FGGY: variants seen among roughly 807,000 people sequenced by gnomAD.
The protein encoded by FGGY is FGGY carbohydrate kinase domain-containing protein.
FGGY carries 72 observed loss-of-function variants against 71.3 expected under a neutral mutation model. The ratio of observed to expected loss-of-function variants is 1.01; its 90% confidence interval spans 0.84 to 1.23. FGGY has a LOEUF of 1.23. Ranked by LOEUF, FGGY falls within the 50% of genes most tolerant of loss-of-function variation. The pLI is 0.00. For synonymous variants in FGGY, 251 were observed against 250.3 expected (o/e 1.00, Z -0.02); for missense variants, 668 against 682.3 (o/e 0.98, Z 0.23).
chr1:59,449,508 C>T (rs1308852279), intron 5 of FGGY, among the ~76,000 whole-genome samples: 2 of 152,184 alleles, frequency 1.3e-5, no homozygotes, highest in Non-Finnish European at 2.9e-5. Context: ...TGGTCTCGAA[C>T]TCCTGACCTT....
intron 1 of FGGY, among the ~76,000 whole-genome samples, chr1:59,299,299 A>G (rs148540336): frequency 1.3e-5 from 2 of 152,326 alleles, no homozygotes; most frequent in East Asian, 3.9e-4. Context: ...ATCACCTGAC[A>G]GGAGGCTGGG....
At chr1:59,515,470 A>G (rs1280424570) in intron 7 of FGGY, among the ~76,000 whole-genome samples, 1 of 152,172 alleles carries the variant, frequency 6.6e-6, no homozygotes, top group Non-Finnish European at 1.5e-5. Context: ...TTGGGAGGGC[A>G]TGATTGGTTT....
chr1:59,603,464 T>C (rs1194149522), intron 8 of FGGY, among the ~76,000 whole-genome samples: 1 of 152,218 alleles, frequency 6.6e-6, no homozygotes, highest in Non-Finnish European at 1.5e-5. Flanking sequence ...ACAAGCCTCA[T>C]TTCAAGGAGA....
intron 14 of FGGY, among the ~76,000 whole-genome samples, chr1:59,752,974 A>C (rs1366010372): frequency 6.6e-6 from 1 of 152,198 alleles, no homozygotes; most frequent in African/African-American, 2.4e-5. Flanking sequence ...AGTGATTAAA[A>C]TGCTATTTTA....
intron 5 of FGGY, among the ~76,000 whole-genome samples, chr1:59,444,950 T>C (rs549807951): frequency 6.6e-6 from 1 of 152,292 alleles, no homozygotes; most frequent in East Asian, 1.9e-4. Context: ...TCTTTTTACA[T>C]GTCCTTTGAT....
intron 13 of FGGY, among the ~76,000 whole-genome samples, chr1:59,670,797 C>T (rs184743356): frequency 2.0e-5 from 3 of 152,236 alleles, no homozygotes; most frequent in Admixed American, 6.5e-5. Context: ...GCAGGGAGAG[C>T]GGGGCCTTGC....
chr1:59,761,257 T>C (rs1416947233), intron 15 of FGGY, among the ~76,000 whole-genome samples: 1 of 152,212 alleles, frequency 6.6e-6, no homozygotes, highest in Non-Finnish European at 1.5e-5. Context: ...GTTCGCCTTT[T>C]AACCCTGTGC....
At chr1:59,707,164 AGT>A (rs1475482313) in intron 14 of FGGY, among the ~76,000 whole-genome samples, 1 of 152,200 alleles carries the variant, frequency 6.6e-6, no homozygotes, top group African/African-American at 2.4e-5. Context: ...TATCTGCAGC[AGT>A]GTGTCTCATT....
At chr1:59,441,897 G>C (rs77046398) in intron 5 of FGGY, among the ~76,000 whole-genome samples, 1,778 of 152,168 alleles carry the variant, frequency 0.012, 32 homozygotes, top group African/African-American at 0.04. Context: ...TGAATGCCTT[G>C]GTCCACTGCC....
At chr1:59,725,111 A>G (rs977702010) in intron 14 of FGGY, among the ~76,000 whole-genome samples, 7 of 152,264 alleles carry the variant, frequency 4.6e-5, no homozygotes, top group African/African-American at 1.4e-4. Context: ...TACATATGTG[A>G]TCCACTTTGA....
chr1:59,430,921 A>G (rs2067242211), intron 5 of FGGY, among the ~76,000 whole-genome samples: 1 of 152,116 alleles, frequency 6.6e-6, no homozygotes, highest in South Asian at 2.1e-4. Flanking sequence ...ATTTTCCCTA[A>G]ATAAATTTGC....
chr1:59,388,707 T>C (rs2060361826), intron 5 of FGGY, among the ~76,000 whole-genome samples: 1 of 152,168 alleles, frequency 6.6e-6, no homozygotes, highest in Non-Finnish European at 1.5e-5. Flanking sequence ...ACTATATGAT[T>C]CACTAATTTA....
intron 10 of FGGY, among the ~76,000 whole-genome samples, chr1:59,632,780 A>T (rs10789079): frequency 0.83 from 125,769 of 152,076 alleles, 52,161 homozygotes; most frequent in Middle Eastern, 0.92. Flanking sequence ...GTCCCCTTTT[A>T]GCCTTTATGA....
chr1:59,568,031 C>A (rs530921991), intron 8 of FGGY, among the ~76,000 whole-genome samples: 1 of 151,934 alleles, frequency 6.6e-6, no homozygotes, highest in East Asian at 1.9e-4. Context: ...TAGAGAATGA[C>A]CAGATTTTAG....
At chr1:59,382,662 C>G (rs2059611568) in intron 5 of FGGY, among the ~76,000 whole-genome samples, 1 of 152,102 alleles carries the variant, frequency 6.6e-6, no homozygotes, top group African/African-American at 2.4e-5. Flanking sequence ...CATTGTACAT[C>G]CGTGAAAGAA....
chr1:59,473,207 C>T (rs1043332671), intron 6 of FGGY, among the ~76,000 whole-genome samples: 1 of 152,152 alleles, frequency 6.6e-6, no homozygotes, highest in Non-Finnish European at 1.5e-5. Flanking sequence ...CAAAGGTCTG[C>T]AGCTTCACTC....
intron 6 of FGGY, among the ~76,000 whole-genome samples, chr1:59,468,578 A>G (rs2092768179): frequency 6.6e-6 from 1 of 152,228 alleles, no homozygotes; most frequent in Non-Finnish European, 1.5e-5. Context: ...AAAATTTGTA[A>G]GTAAAGAATC....
intron 11 of FGGY, among the ~76,000 whole-genome samples, chr1:59,642,453 C>T (rs867366908): frequency 3.5e-4 from 53 of 150,642 alleles, no homozygotes; most frequent in African/African-American, 1.2e-3. Flanking sequence ...GGTGAAACCC[C>T]GTTTCTACTA....
At chr1:59,360,871 C>G (rs998825427) in intron 4 of FGGY, among the ~76,000 whole-genome samples, 1 of 152,112 alleles carries the variant, frequency 6.6e-6, no homozygotes, top group African/African-American at 2.4e-5. Flanking sequence ...TGGGTGGGAA[C>G]AGTCTGAGAG....
Sources: allele counts gnomAD v4.1 joint callset (sites outside exome capture counted in the v4.1 genomes callset), GRCh38; gene constraint gnomAD v4.1.1; transcripts MANE v1.5; gene names NCBI Gene and HGNC (gene_info 2026-07-23, HGNC 2026-07-21).